INTS6: variants seen among roughly 807,000 people sequenced by gnomAD.
INTS6 encodes the protein DEAD box protein.
INTS6 carries 16 observed loss-of-function variants against 104.9 expected under a neutral mutation model. That is an observed-to-expected ratio of 0.15 (90% CI 0.10 to 0.23). The LOEUF (loss-of-function observed/expected upper bound fraction) is 0.23, where lower values mean the gene tolerates loss of function less well. Among genes scored for constraint, INTS6 ranks in the 10% least tolerant of loss-of-function variants. The pLI is 1.00. For synonymous variants in INTS6, 324 were observed against 358.7 expected (o/e 0.90, Z 1.09); for missense variants, 584 against 1,062.8 (o/e 0.55, Z 6.26).
At chr13:51,435,288 A>G (rs963322607) in intron 3 of INTS6, among the ~76,000 whole-genome samples, 13 of 152,050 alleles carry the variant, frequency 8.5e-5, no homozygotes, top group African/African-American at 3.1e-4. Flanking sequence ...AGAAAATATA[A>G]TGCAAAATAT....
intron 4 of INTS6, among the ~76,000 whole-genome samples, chr13:51,401,526 G>A (rs1956439978): frequency 6.6e-6 from 1 of 152,140 alleles, no homozygotes; most frequent in African/African-American, 2.4e-5. Flanking sequence ...AGAAACTCTA[G>A]TATGAGTATT....
At chr13:51,359,408 G>A (rs1955527863), downstream of INTS6, among the ~76,000 whole-genome samples, 1 of 152,138 alleles carries the variant, frequency 6.6e-6, no homozygotes, top group South Asian at 2.1e-4. Context: ...AGATGCTGAT[G>A]CTGGGGCATG....
At chr13:51,342,804 T>C in the INTS6 span, among the ~76,000 whole-genome samples, 10 of 152,304 alleles carry the variant, frequency 6.6e-5, no homozygotes, top group Non-Finnish European at 1.5e-4. Flanking sequence ...CAGAAATACA[T>C]GTGACCTTCC....
At position 51,376,255 on chromosome 13, in the gene INTS6, G is replaced by A. The variant is rs141730080; in HGVS notation, c.1603-81C>T. 1.9e-3 allele frequency: 2,121 copies of A among 1,137,784 alleles called. 22 individuals are homozygous for A. In the African/African-American group the frequency reaches 0.029, roughly 15 times the overall value. The allele number at this position is 1,137,784 out of a possible 1,614,324, so 70.5% of individuals were successfully genotyped here. On this transcript the variant is annotated intron_variant, in intron 12 of 17. Coordinates refer to ENST00000311234, the MANE Select transcript of INTS6 (RefSeq NM_012141.3). ...CTAAAATCTCTAGCCTGCAGCATAG[G>A]TTTGGAAATAAGATATATAAACTGG... is the stretch of plus-strand genomic sequence containing the variant.
At position 51,452,517 on chromosome 13, in the gene INTS6, G is replaced by T; in HGVS notation, c.9C>A (p.Ile3=). 1 of 1,611,256 alleles carries T rather than the reference G, an allele frequency of 6.2e-7. No homozygotes were observed. Among genetic ancestry groups the T allele is most frequent in the Non-Finnish European group, 8.5e-7 (1 of 1,178,220 alleles). Residue 3 remains isoleucine (I), a synonymous_variant, in exon 1 of 18, where the codon ATC becomes ATA. Transcript: ENST00000311234. The surrounding 1 kb of genome is among the most constrained non-coding windows in gnomAD (Gnocchi z 4.2). MP[I]LLFLIDTSAS... ...CAGACGTGTCTATCAGGAACAGTAA[G>T]ATGGGCATAGTGCTGGCCGGGGACA... is the stretch of plus-strand genomic sequence containing the variant.
chr13:51,407,794 G>A (rs576542401), intron 4 of INTS6, among the ~76,000 whole-genome samples: 22 of 152,120 alleles, frequency 1.4e-4, no homozygotes, highest in African/African-American at 5.3e-4. Context: ...CCAGCAATTT[G>A]GGACTTGAGG....
intron 17 of INTS6, 45 bp from the exon 18 acceptor site, chr13:51,365,890 T>A (rs369858405): frequency 5.3e-6 from 6 of 1,138,312 alleles, no homozygotes; most frequent in Non-Finnish European, 5.1e-6. Flanking sequence ...TTTTAATGAA[T>A]AGTATATATC....
chr13:51,341,473 TC>T, the INTS6 span: 1 of 952,300 alleles, frequency 1.1e-6, no homozygotes, highest in Non-Finnish European at 1.6e-6. Flanking sequence ...ATACTCACAC[TC>T]ACTCTCTCCA....
chr13:51,432,392 TGCA>T (rs1283171203), intron 3 of INTS6, among the ~76,000 whole-genome samples: 1 of 151,958 alleles, frequency 6.6e-6, no homozygotes, highest in East Asian at 1.9e-4. Flanking sequence ...TATCTAACAC[TGCA>T]GAAGTATACA....
intron 16 of INTS6, 124 bp downstream of exon 16, chr13:51,368,812 ATGT>A (rs1226035032): frequency 1.1e-6 from 1 of 937,014 alleles, no homozygotes. Flanking sequence ...CTTAACTGAG[ATGT>A]TGTTCAAGAC....
Position 51,363,967 on chromosome 13 carries a change from T to C in INTS6, c.*1785A>G, listed in dbSNP as rs1276476455. 1 of 243,918 alleles carries C rather than the reference T, an allele frequency of 4.1e-6. No homozygotes were observed. The highest frequency in any genetic ancestry group is 2.2e-5 in the African/African-American group (1 of 44,702). 15.1% of individuals were successfully genotyped at this position (243,918 alleles called of 1,614,324 possible). ...GGCTGAATCTCTTTCCTAGATACTC[T>C]TGTTAAGTATGAATTTTTATCTGAA... On this transcript the variant is annotated 3_prime_UTR_variant, in exon 18 of 18. Transcript: ENST00000311234.
At chr13:51,449,572 C>A (rs916051937) in intron 3 of INTS6, 10 of 985,162 alleles carry the variant, frequency 1.0e-5, no homozygotes, top group Non-Finnish European at 1.2e-5. Context: ...AAAGAGGAAA[C>A]TAATAGTTCT....
chr13:51,349,318 G>A (rs1261974018), downstream of INTS6, among the ~76,000 whole-genome samples: 1 of 152,114 alleles, frequency 6.6e-6, no homozygotes, highest in African/African-American at 2.4e-5. Flanking sequence ...GTAAGTTAAG[G>A]GCCAAGGTCT....
chr13:51,425,967 A>G (rs1956977590), intron 4 of INTS6, among the ~76,000 whole-genome samples: 1 of 152,040 alleles, frequency 6.6e-6, no homozygotes, highest in Non-Finnish European at 1.5e-5. Context: ...AAATAGCTGC[A>G]TTAAAAAAAA....
chr13:51,373,532 A>C (rs1442207983), intron 15 of INTS6, among the ~76,000 whole-genome samples: 1 of 152,206 alleles, frequency 6.6e-6, no homozygotes, highest in Non-Finnish European at 1.5e-5. Context: ...TCTATCTTTC[A>C]GTTCTCACCT....
chr13:51,361,658 A>G lies in INTS6; in HGVS notation c.*4094T>C, dbSNP rs944140550. ...GGCTAAATGGCATCTTTTCTCTTTA[A>G]TTTTCCCATCTGCACCCCCATCACA... On this transcript the variant is annotated 3_prime_UTR_variant, in exon 18 of 18. Transcript: ENST00000311234. The G allele has an allele frequency of 1.5e-6, 1 of 666,326 alleles. No individual in the cohort carries two copies. The highest frequency in any genetic ancestry group is 1.8e-5 in the African/African-American group (1 of 54,588). The allele number at this position is 666,326 out of a possible 1,614,324, so 41.3% of individuals were successfully genotyped here. A position where few individuals can be genotyped will look rare whatever the true frequency, so the allele number is the denominator to read the frequency against.
At chr13:51,369,637 A>T (rs1328568343) in intron 15 of INTS6, among the ~76,000 whole-genome samples, 1 of 152,210 alleles carries the variant, frequency 6.6e-6, no homozygotes, top group Non-Finnish European at 1.5e-5. Flanking sequence ...AATATCTATG[A>T]TCAAAATTAT....
intron 4 of INTS6, among the ~76,000 whole-genome samples, chr13:51,397,537 A>G (rs963009119): frequency 4.6e-5 from 7 of 152,216 alleles, no homozygotes; most frequent in African/African-American, 1.7e-4. Flanking sequence ...TAAACAGCTC[A>G]GGAGCTCCAG....
At chr13:51,429,785 A>AAAAAAAAAAAATATATATATATAT (rs1156333077) in intron 4 of INTS6, among the ~76,000 whole-genome samples, 1 of 92,358 alleles carries the variant, frequency 1.1e-5, no homozygotes, top group Non-Finnish European at 2.0e-5. Flanking sequence ...AAAAAAAAAA[A>AAAAAAAAAAAATATATATATATAT]ATATATATAT....
Sources: allele counts gnomAD v4.1 joint callset (sites outside exome capture counted in the v4.1 genomes callset), GRCh38; gene constraint gnomAD v4.1.1; non-coding constraint Gnocchi (gnomAD v3.1); transcripts MANE v1.5; gene names NCBI Gene and HGNC (gene_info 2026-07-23, HGNC 2026-07-21).